The following COL1A2 variants were observed in gnomAD, a reference collection of about 807,000 sequenced individuals.
COL1A2 encodes the protein collagen type I alpha 2 chain, also known as collagen alpha-2(I) chain.
In COL1A2, 49 loss-of-function variants were observed where a neutral mutation model predicts 174.3. That is an observed-to-expected ratio of 0.28 (90% CI 0.22 to 0.36). The LOEUF (loss-of-function observed/expected upper bound fraction) is 0.36. Ranked by LOEUF, COL1A2 falls within the 10% of genes least tolerant of loss-of-function variation. COL1A2 has a pLI of 1.00. For missense variants in COL1A2, 1,438 were observed against 1,822.7 expected, an observed-to-expected ratio of 0.79 and a Z score of 3.84; for synonymous variants, 655 against 606.6, an observed-to-expected ratio of 1.08 and a Z score of -1.17.
chr7:94,395,923 C>G (rs1342455333), intron 1 of COL1A2, among the ~76,000 whole-genome samples: 2 of 152,052 alleles, frequency 1.3e-5, no homozygotes, highest in African/African-American at 4.8e-5. Context: ...TGACATGTTC[C>G]CAGTGATAAG....
At chr7:94,414,809 A>G (rs1792003539) in intron 29 of COL1A2, among the ~76,000 whole-genome samples, 1 of 152,218 alleles carries the variant, frequency 6.6e-6, no homozygotes, top group African/African-American at 2.4e-5. Context: ...GCTGGTCAGT[A>G]ATAAAAGAGA....
rs990076088 is a variant in COL1A2, at chr7:94,423,041, C to T, written c.2488C>T (p.Arg830Ter). 1.2e-6 allele frequency: 2 copies of T among 1,614,070 alleles called. No individual in the cohort carries two copies. The highest frequency in any genetic ancestry group is 2.2e-5 in the East Asian group (1 of 44,882). ...GPRGDQGPVG[R>*]TGEVGAVGPP... ...TCGTGGTGACCAAGGTCCAGTTGGC[C>T]GAACTGGAGAAGTAGGTGCAGTTGG... is the stretch of plus-strand genomic sequence containing the variant. The change falls in exon 40 of 52, where the codon CGA (arginine) becomes TGA (stop). Residue 830 changes from arginine to a stop codon, truncating the protein, a stop_gained. Transcript: ENST00000297268. LOFTEE classifies it high-confidence loss of function.
At chr7:94,415,939 A>G (rs1272028892) in intron 30 of COL1A2, among the ~76,000 whole-genome samples, 6 of 152,340 alleles carry the variant, frequency 3.9e-5, no homozygotes, top group Admixed American at 2.6e-4. Flanking sequence ...TCAAATATAC[A>G]TATGAATATT....
Position 94,425,707 on chromosome 7 carries a change from A to G in COL1A2, c.2836-43A>G, listed in dbSNP as rs1430615903. 1.9e-6 allele frequency: 3 copies of G among 1,614,138 alleles called. No homozygotes were observed. The Admixed American group carries it at 5.0e-5, about 27-fold the overall frequency. ...TTTCTCTAATTCAAAAGTGATTAAA[A>G]TGCAACCCAGATTGATGCTAAGCTT... On this transcript the variant is annotated intron_variant, in intron 43 of 51. Transcript: ENST00000297268.
At position 94,430,663 on chromosome 7, in the gene COL1A2, A is replaced by G. The variant is rs1792383477; in HGVS notation, c.*270A>G. On this transcript the variant is annotated 3_prime_UTR_variant, in exon 52 of 52. Coordinates refer to ENST00000297268, the MANE Select transcript of COL1A2 (RefSeq NM_000089.4). ...GGAAAATGTCAACCTTTGTAAGAAA[A>G]CCAAAATAAAAATTGAAAAATAAAA... is the stretch of plus-strand genomic sequence containing the variant. The G allele has an allele frequency of 2.4e-6, 1 of 410,392 alleles. No individual in the cohort carries two copies. The highest frequency in any genetic ancestry group is 4.2e-5 in the Admixed American group (1 of 24,056). The allele number at this position is 410,392 out of a possible 1,614,324, so 25.4% of individuals were successfully genotyped here.
chr7:94,417,195 G>A (rs550190458), intron 31 of COL1A2, among the ~76,000 whole-genome samples: 2 of 152,206 alleles, frequency 1.3e-5, no homozygotes, highest in South Asian at 2.1e-4. Flanking sequence ...AAGAAACCAC[G>A]GTTTTGTGAG....
chr7:94,425,590 T>C lies in COL1A2; in HGVS notation c.2782-20T>C, dbSNP rs369687449. 36 of 1,613,660 alleles carry C rather than the reference T, an allele frequency of 2.2e-5. No homozygotes were observed. Among genetic ancestry groups the C allele is most frequent in the Admixed American group, 5.0e-5 (3 of 59,992 alleles). ...AGCAGAGCCTCACCAACAGCCTTAATTTGTGTGGTGTCTTCACAGGGCAAC... is the reference window on the plus strand; with the variant it reads ...AGCAGAGCCTCACCAACAGCCTTAACTTGTGTGGTGTCTTCACAGGGCAAC... On this transcript the variant is annotated intron_variant, in intron 42 of 51. Coordinates refer to ENST00000297268, the MANE Select transcript of COL1A2 (RefSeq NM_000089.4).
intron 39 of COL1A2, 23 bp downstream of exon 39, chr7:94,421,975 G>A: frequency 1.2e-6 from 2 of 1,610,168 alleles, no homozygotes; most frequent in Non-Finnish European, 1.7e-6. Context: ...CTGTAAACGT[G>A]TCTTCATTTA....
intron 34 of COL1A2, 88 bp from the exon 35 acceptor site, chr7:94,420,145 G>C (rs1177330200): frequency 1.1e-5 from 17 of 1,558,152 alleles, no homozygotes; most frequent in Non-Finnish European, 1.5e-5. Flanking sequence ...TACAGACTCT[G>C]TCTGTCCACC....
intron 3 of COL1A2, among the ~76,000 whole-genome samples, 192 bp downstream of exon 3, chr7:94,398,588 TCTG>T (rs1791626925): frequency 6.6e-6 from 1 of 151,978 alleles, no homozygotes; most frequent in African/African-American, 2.4e-5. Context: ...TCTGGAATCA[TCTG>T]TAATTACATT....
chr7:94,411,144 T>G lies in COL1A2; in HGVS notation c.1340T>G (p.Met447Arg), dbSNP rs1446399667. ...GGTCGCCCTGGGGAGCCTGGTCTCA[T>G]GGGACCCAGAGTAAGTTTCAAACTG... is the stretch of plus-strand genomic sequence containing the variant. ...DAGRPGEPGLMGPRGLPGSPG... is the reference protein window; with the variant it reads ...DAGRPGEPGLRGPRGLPGSPG... Residue 447 changes from methionine (M) to arginine (R), a missense_variant, in exon 23 of 52, where the codon ATG (methionine) becomes AGG (arginine). By Grantham distance (91) the Met-to-Arg change is moderately conservative (BLOSUM62 -1). This residue lies in a region of COL1A2 where 867 missense variants were observed against 1,213.7 expected (regional missense o/e 0.71). Transcript: ENST00000297268. 6.3e-7 allele frequency: 1 copy of G among 1,583,230 alleles called. No individual in the cohort carries two copies. Among genetic ancestry groups the G allele is most frequent in the South Asian group, 1.2e-5 (1 of 86,940 alleles).
rs377685997 is a variant in COL1A2, at chr7:94,421,879, C to G, written c.2350-20C>G. 6 of 1,603,042 alleles carry G rather than the reference C, an allele frequency of 3.7e-6. No homozygotes were observed. The Middle Eastern group carries it at 5.0e-4, about 133-fold the overall frequency. ...TGGAGTTGATGTTGACTGTGGAATTCTAATGTGCTTGGCTCTTAGGGTATG... is the reference window on the plus strand; with the variant it reads ...TGGAGTTGATGTTGACTGTGGAATTGTAATGTGCTTGGCTCTTAGGGTATG... On this transcript the variant is annotated intron_variant, in intron 38 of 51. Coordinates refer to ENST00000297268, the MANE Select transcript of COL1A2 (RefSeq NM_000089.4).
Position 94,430,447 on chromosome 7 carries a change from C to T in COL1A2, c.*54C>T. 6.4e-7 allele frequency: 1 copy of T among 1,568,624 alleles called. No homozygotes were observed. Among genetic ancestry groups the T allele is most frequent in the Non-Finnish European group, 8.7e-7 (1 of 1,145,976 alleles). On this transcript the variant is annotated 3_prime_UTR_variant, in exon 52 of 52. Transcript: ENST00000297268. ...GAAATTTGAAAAAACTTTCTCTTTG[C>T]CATTTCTTCTTCTTCTTTTTTAACT...
chr7:94,395,421 A>G (rs1791563438), intron 1 of COL1A2: 2 of 381,296 alleles, frequency 5.2e-6, no homozygotes, highest in Admixed American at 3.7e-5. Flanking sequence ...TTAACGACCA[A>G]TGTGGTGGAG....
rs1198800868 is a variant in COL1A2 at position 94,407,859 on chromosome 7, G to C, written c.607G>C (p.Ala203Pro). 2.5e-6 allele frequency: 4 copies of C among 1,613,974 alleles called. No individual in the cohort carries two copies. Among genetic ancestry groups the C allele is most frequent in the Admixed American group, 1.7e-5 (1 of 60,022 alleles). Residue 203 changes from alanine to proline, a missense_variant, in exon 13 of 52, where the codon GCC (alanine) becomes CCC (proline). This residue lies in a region of COL1A2 where 281 missense variants were observed against 310.9 expected (regional missense o/e 0.90). Transcript: ENST00000297268. ...CTTCTCCATGTAGGGTGAACCTGGTGCCCCTGGTGAAAATGGAACTCCAGG... is the reference window on the plus strand; with the variant it reads ...CTTCTCCATGTAGGGTGAACCTGGTCCCCCTGGTGAAAATGGAACTCCAGG... Reference protein sequence around the residue: ...GAPGVKGEPGAPGENGTPGQT... With the variant: ...GAPGVKGEPGPPGENGTPGQT...
rs1343906766 is a variant in COL1A2 at position 94,427,311 on chromosome 7, G to A, written c.3267+16G>A. 1.3e-6 allele frequency: 2 copies of A among 1,594,394 alleles called. No individual in the cohort carries two copies. Among genetic ancestry groups the A allele is most frequent in the Middle Eastern group, 1.7e-4 (1 of 5,934 alleles). ...AGGCCCTGCTGTAAGTATGATTTGGGGAAATAATAAAGAAGATCACGGACC... is the reference window on the plus strand; with the variant it reads ...AGGCCCTGCTGTAAGTATGATTTGGAGAAATAATAAAGAAGATCACGGACC... On this transcript the variant is annotated intron_variant, in intron 48 of 51. Coordinates refer to ENST00000297268, the MANE Select transcript of COL1A2 (RefSeq NM_000089.4).
Position 94,414,290 on chromosome 7 carries a change from T to C in COL1A2, c.1719+15T>C, listed in dbSNP as rs746176634. The C allele has an allele frequency of 2.2e-5, 36 of 1,611,888 alleles. No homozygotes were observed. The highest frequency in any genetic ancestry group is 2.9e-5 in the Non-Finnish European group (34 of 1,177,994). On this transcript the variant is annotated intron_variant, in intron 29 of 51. Coordinates refer to ENST00000297268, the MANE Select transcript of COL1A2 (RefSeq NM_000089.4). ...CAGGAGAAAGGGTGAGTAAAACAAG[T>C]AATAGTAAGTAGTAACTACTAAACT...
At chr7:94,404,668 G>A in intron 7 of COL1A2, 25 bp from the exon 8 acceptor site, 1 of 1,614,160 alleles carries the variant, frequency 6.2e-7, no homozygotes, top group East Asian at 2.2e-5. Context: ...AAGGCTTGGA[G>A]TATGACATTC....
chr7:94,430,398 A>G lies in COL1A2; in HGVS notation c.*5A>G. 1 of 1,613,176 alleles carries G rather than the reference A, an allele frequency of 6.2e-7. No individual in the cohort carries two copies. Among genetic ancestry groups the G allele is most frequent in the South Asian group, 1.1e-5 (1 of 90,758 alleles). On this transcript the variant is annotated 3_prime_UTR_variant, in exon 52 of 52. Coordinates refer to ENST00000297268, the MANE Select transcript of COL1A2 (RefSeq NM_000089.4). Reference sequence around the variant, plus strand: ...GGCCCAGTCTGTTTCAAATAAATGAACTCAATCTAAATTAAAAAAGAAAGA... The same window carrying G: ...GGCCCAGTCTGTTTCAAATAAATGAGCTCAATCTAAATTAAAAAAGAAAGA...
Sources: gnomAD v4.1 joint callset for allele counts (sites outside exome capture counted in the v4.1 genomes callset) on GRCh38, gnomAD v4.1.1 for gene constraint, gnomAD v4.1.1 regional missense constraint, MANE v1.5 for transcripts, NCBI Gene and HGNC (gene_info 2026-07-23, HGNC 2026-07-21) for gene names.